Variants in STX8 observed in about 807,000 individuals in gnomAD.
STX8 encodes the protein syntaxin-8.
Under a neutral mutation model 37.5 loss-of-function variants are expected in STX8, and 23 were observed. That is an observed-to-expected ratio of 0.61 (90% CI 0.44 to 0.87). The LOEUF is 0.87. STX8 is among the 40% of genes least tolerant of loss of function. The pLI is 0.00. For synonymous variants in STX8, 115 were observed against 99.1 expected, an observed-to-expected ratio of 1.16 and a Z score of -0.95; for missense variants, 313 against 284.7, an observed-to-expected ratio of 1.10 and a Z score of -0.71.
chr17:9,360,913 G>A (rs948997158), intron 7 of STX8, among the ~76,000 whole-genome samples: 12 of 152,218 alleles, frequency 7.9e-5, no homozygotes, highest in South Asian at 2.1e-4. Flanking sequence ...TGAGACCCGC[G>A]GTGCCGGCTA....
At chr17:9,300,830 CT>C (rs1164799565) in intron 7 of STX8, among the ~76,000 whole-genome samples, 333 of 90,888 alleles carry the variant, frequency 3.7e-3, no homozygotes, top group South Asian at 0.012. Flanking sequence ...TTATTTTGTT[CT>C]TTTTTTTTTT....
rs112251718 is a variant in STX8, at chr17:9,534,546, T to A, written c.323+10626A>T. On this transcript the variant is annotated intron_variant, in intron 4 of 7. Transcript: ENST00000306357. Reference sequence around the variant, plus strand: ...TGGCTCACACCTATAATCCCAGCACTTTGGGAGGCCGAGCTAGGCGGATCA... The same window carrying A: ...TGGCTCACACCTATAATCCCAGCACATTGGGAGGCCGAGCTAGGCGGATCA... 2.6e-3 allele frequency among the ~76,000 whole-genome samples: 394 copies of A among 152,274 alleles called. 2 individuals are homozygous for A. The highest frequency in any genetic ancestry group is 9.0e-3 in the African/African-American group (373 of 41,562).
chr17:9,287,427 C>T (rs1313890298), intron 7 of STX8, among the ~76,000 whole-genome samples: 2 of 152,042 alleles, frequency 1.3e-5, no homozygotes, highest in Non-Finnish European at 2.9e-5. Flanking sequence ...AACATGGGGG[C>T]AACAGGCACA....
intron 4 of STX8, among the ~76,000 whole-genome samples, chr17:9,511,667 C>T (rs1006745629): frequency 1.3e-5 from 2 of 152,042 alleles, no homozygotes; most frequent in African/African-American, 4.8e-5. Flanking sequence ...AGCTTTGCCT[C>T]TGAGAACTAG....
At chr17:9,506,903 T>C (rs1336341625) in intron 4 of STX8, among the ~76,000 whole-genome samples, 2 of 151,980 alleles carry the variant, frequency 1.3e-5, no homozygotes, top group Non-Finnish European at 2.9e-5. Flanking sequence ...CACTGCACCT[T>C]TCCAGCACTG....
intron 7 of STX8, among the ~76,000 whole-genome samples, chr17:9,270,442 G>A (rs972803840): frequency 5.3e-5 from 8 of 151,596 alleles, no homozygotes; most frequent in Admixed American, 5.3e-4. Flanking sequence ...TTTTAGTAGA[G>A]ACAGGGTCTC....
chr17:9,399,982 T>G (rs1336923382), intron 6 of STX8, among the ~76,000 whole-genome samples: 1 of 152,102 alleles, frequency 6.6e-6, no homozygotes, highest in Non-Finnish European at 1.5e-5. Context: ...ATGAACATGG[T>G]AGCTTATTAG....
In STX8 at chr17:9,493,014, T is replaced by C. The variant is rs1597706117; in HGVS notation, c.449-1093A>G. 2.7e-5 allele frequency among the ~76,000 whole-genome samples: 4 copies of C among 150,648 alleles called. No homozygotes were observed. The South Asian group carries it at 8.4e-4, about 32-fold the overall frequency. On this transcript the variant is annotated intron_variant, in intron 5 of 7. Transcript: ENST00000306357. ...TGGGGAGGCTGAGGCAGGAGAATGG[T>C]GTGAACCCAGGAAGCGGAGATTGCA...
At chr17:9,255,401 C>G (rs1166926865) in intron 7 of STX8, among the ~76,000 whole-genome samples, 2 of 152,092 alleles carry the variant, frequency 1.3e-5, no homozygotes, top group African/African-American at 4.8e-5. Context: ...GTGGTGCACG[C>G]TTGTAGTCCC....
intron 6 of STX8, among the ~76,000 whole-genome samples, chr17:9,465,479 G>A (rs1048728767): frequency 2.0e-5 from 3 of 152,102 alleles, no homozygotes; most frequent in Non-Finnish European, 4.4e-5. Context: ...AAAACCAGAC[G>A]GTTCCAAGTT....
At chr17:9,420,410 C>T (rs1001937841) in intron 6 of STX8, among the ~76,000 whole-genome samples, 9 of 152,296 alleles carry the variant, frequency 5.9e-5, no homozygotes, top group South Asian at 4.1e-4. Flanking sequence ...GTAACCTTAC[C>T]TATAGGTGCC....
rs115605732 is a variant in STX8, at chr17:9,366,284, T to C, written c.643+12268A>G. ...TCTCACTTTGTTCCCCAGGCAGGAG[T>C]GCAGTGGCATGATCTAGGCTCACTG... On this transcript the variant is annotated intron_variant, in intron 7 of 7. Transcript: ENST00000306357. Among the ~76,000 whole-genome samples, 708 of 152,266 alleles carry C rather than the reference T, an allele frequency of 4.6e-3. 1 individual carries two copies. Among genetic ancestry groups the C allele is most frequent in the African/African-American group, 0.016 (680 of 41,564 alleles).
chr17:9,559,760 A>ATATATATATATATATTTTT, intron 2 of STX8, among the ~76,000 whole-genome samples: 2 of 24,492 alleles, frequency 8.2e-5, no homozygotes, highest in East Asian at 2.7e-3. Context: ...ATATATATAT[A>ATATATATATATATATTTTT]TTTTTTTTTT....
chr17:9,492,658 G>T (rs1422464390), intron 5 of STX8, among the ~76,000 whole-genome samples: 1 of 152,174 alleles, frequency 6.6e-6, no homozygotes, highest in Non-Finnish European at 1.5e-5. Context: ...GCTCTATGAA[G>T]ATGAACCAGC....
intron 7 of STX8, among the ~76,000 whole-genome samples, chr17:9,350,766 C>CG (rs886923340): frequency 1.3e-5 from 2 of 152,126 alleles, no homozygotes; most frequent in African/African-American, 4.8e-5. Context: ...TGCCTGACCT[C>CG]GGGTGATCCA....
At chr17:9,299,903 T>C (rs1337413522) in intron 7 of STX8, among the ~76,000 whole-genome samples, 4 of 152,214 alleles carry the variant, frequency 2.6e-5, no homozygotes, top group African/African-American at 9.6e-5. Flanking sequence ...TCAACTACGT[T>C]TGCCAACACT....
At chr17:9,527,736 C>T (rs1170767151) in intron 4 of STX8, among the ~76,000 whole-genome samples, 2 of 152,136 alleles carry the variant, frequency 1.3e-5, no homozygotes, top group East Asian at 3.9e-4. Flanking sequence ...CGCCCACTGA[C>T]AGCTAAGGTT....
intron 7 of STX8, among the ~76,000 whole-genome samples, chr17:9,375,024 A>G (rs887712989): frequency 6.8e-6 from 1 of 146,002 alleles, no homozygotes; most frequent in South Asian, 2.2e-4. Context: ...AGATTGTGCC[A>G]CTGCACTCCA....
intron 7 of STX8, among the ~76,000 whole-genome samples, chr17:9,370,114 C>T (rs1911358842): frequency 1.3e-5 from 2 of 151,928 alleles, no homozygotes; most frequent in African/African-American, 4.8e-5. Flanking sequence ...AATTGGGAGG[C>T]TGAGGCAGGA....
Sources: gnomAD v4.1 joint callset for allele counts (sites outside exome capture counted in the v4.1 genomes callset) on GRCh38, gnomAD v4.1.1 for gene constraint, MANE v1.5 for transcripts, NCBI Gene and HGNC (gene_info 2026-07-23, HGNC 2026-07-21) for gene names.